The following ADGRG2 variants were observed in gnomAD, a reference collection of about 807,000 sequenced individuals.
The protein encoded by ADGRG2 is G protein-coupled receptor 64.
ADGRG2 carries 26 observed loss-of-function variants against 74.1 expected under a neutral mutation model. The ratio of observed to expected loss-of-function variants is 0.35; its 90% CI spans 0.26 to 0.49. The LOEUF (loss-of-function observed/expected upper bound fraction) is 0.49, where lower values mean the gene tolerates loss of function less well. Among genes scored for constraint, ADGRG2 ranks in the 20% least tolerant of loss-of-function variants. ADGRG2 has a pLI of 0.99. For missense variants in ADGRG2, 619 were observed against 763.1 expected (o/e 0.81, Z 2.22); for synonymous variants, 296 against 295.2 (o/e 1.00, Z -0.03).
intron 1 of ADGRG2, among the ~76,000 whole-genome samples, chrX:19,087,318 A>G (rs2061950197): frequency 8.9e-6 from 1 of 112,963 alleles, no homozygotes; most frequent in Admixed American, 9.3e-5. Flanking sequence ...ACGGTTGTGC[A>G]GGTTGTGCCC....
At chrX:19,084,629 G>A (rs758800168) in intron 1 of ADGRG2, among the ~76,000 whole-genome samples, 5 of 112,116 alleles carry the variant, frequency 4.5e-5, no homozygotes, top group Non-Finnish European at 7.5e-5. Context: ...CTTGAGTATC[G>A]AAAGAAGTTC....
chrX:19,055,888 C>G (rs2061404154), intron 3 of ADGRG2, among the ~76,000 whole-genome samples: 1 of 110,352 alleles, frequency 9.1e-6, no homozygotes, highest in Admixed American at 9.7e-5. Context: ...CTTGTACCAC[C>G]ACGCCTGGCT....
At position 18,992,635 on chromosome X, in the gene ADGRG2, C is replaced by T. The variant is rs1436139747; in HGVS notation, c.2870-1587G>A. On this transcript the variant is annotated intron_variant, in intron 28 of 28. Coordinates refer to ENST00000379869, the MANE Select transcript of ADGRG2 (RefSeq NM_001079858.3). ...TTGCCAATTCCATTCCTCATCTATC[C>T]CAGATGCTGGGGCAAGGACTGAGGA... Among the ~76,000 whole-genome samples the T allele has an allele frequency of 2.7e-5, 3 of 112,085 alleles. No homozygotes were observed. In the Admixed American group the frequency reaches 2.8e-4, roughly 11 times the overall value.
chrX:19,025,879 A>C (rs1834377713), intron 11 of ADGRG2, among the ~76,000 whole-genome samples: 1 of 109,953 alleles, frequency 9.1e-6, no homozygotes, highest in Admixed American at 9.7e-5. Flanking sequence ...CTGGGCAACA[A>C]AGTGAGACTC....
chrX:19,074,851 G>A (rs1464345761), intron 2 of ADGRG2, among the ~76,000 whole-genome samples: 4 of 110,001 alleles, frequency 3.6e-5, no homozygotes, highest in Admixed American at 9.8e-5. Flanking sequence ...GATTATAGGC[G>A]TGAGCCACCA....
rs1245760557 is a variant in ADGRG2 at position 19,010,777 on chromosome X, G to A, written c.1101C>T (p.Asp367=). 2 of 1,186,593 alleles carry A rather than the reference G, an allele frequency of 1.7e-6. No individual in the cohort carries two copies. The highest frequency in any genetic ancestry group is 2.3e-6 in the Non-Finnish European group (2 of 877,919). Reference sequence around the variant, plus strand: ...CAGAAATACTGCTGGTGTTGACGATGTCTATATCAAAGAGCCAAATCGTGT... The same window carrying A: ...CAGAAATACTGCTGGTGTTGACGATATCTATATCAAAGAGCCAAATCGTGT... ...NTTSAPPVQT[D]IVNTSSISDL... is the part of the protein sequence containing the mutation. The change falls in exon 17 of 29, where the codon GAC becomes GAT. Residue 367 remains aspartate (D), a splice_region_variant and synonymous_variant. Transcript: ENST00000379869.
chrX:19,037,555 C>A, intron 5 of ADGRG2, 34 bp downstream of exon 5: 1 of 1,153,122 alleles, frequency 8.7e-7, no homozygotes, highest in Non-Finnish European at 1.2e-6. Flanking sequence ...ACAAATTGGA[C>A]TAAATCTAGG....
intron 24 of ADGRG2, 41 bp downstream of exon 24, chrX:19,002,805 C>T: frequency 3.5e-6 from 4 of 1,155,767 alleles, no homozygotes; most frequent in Non-Finnish European, 4.7e-6. Context: ...AGAGAAAAGG[C>T]AGAGAAAGTC....
chrX:19,045,320 T>TATTATTATTATTATC (rs1333047576), intron 3 of ADGRG2, among the ~76,000 whole-genome samples: 4 of 106,590 alleles, frequency 3.8e-5, no homozygotes, highest in African/African-American at 1.4e-4. Context: ...TTATTATTAT[T>TATTATTATTATTATC]ATTTTGAGAC....
chrX:19,101,681 A>G (rs2062191099), intron 1 of ADGRG2, among the ~76,000 whole-genome samples: 1 of 109,313 alleles, frequency 9.1e-6, no homozygotes, highest in African/African-American at 3.3e-5. Context: ...AGCCTGGGCC[A>G]TAGAGTGAGA....
chrX:19,081,708 G>C (rs1030464906), intron 2 of ADGRG2, among the ~76,000 whole-genome samples: 2 of 111,818 alleles, frequency 1.8e-5, no homozygotes, highest in African/African-American at 6.5e-5. Context: ...CATTATGATA[G>C]ACATTTACAT....
At chrX:19,026,037 G>A (rs1343961223) in intron 11 of ADGRG2, among the ~76,000 whole-genome samples, 1 of 111,955 alleles carries the variant, frequency 8.9e-6, no homozygotes, top group Admixed American at 9.5e-5. Flanking sequence ...TAGGCATAAA[G>A]GACATGAATA....
intron 17 of ADGRG2, 122 bp downstream of exon 17, chrX:19,010,491 C>G: frequency 1.7e-6 from 1 of 591,796 alleles, no homozygotes; most frequent in South Asian, 3.0e-5. Context: ...GAGTAGCAAC[C>G]TGAGAAACCA....
chrX:19,109,110 A>T (rs1360408543), intron 1 of ADGRG2, among the ~76,000 whole-genome samples: 1 of 111,343 alleles, frequency 9.0e-6, no homozygotes, highest in Non-Finnish European at 1.9e-5. Flanking sequence ...ATACTACTTG[A>T]CACACTTGCC....
intron 24 of ADGRG2, among the ~76,000 whole-genome samples, chrX:19,000,484 T>C (rs2060108626): frequency 9.0e-6 from 1 of 111,725 alleles, no homozygotes; most frequent in Admixed American, 9.5e-5. Context: ...TTTGGGCCCA[T>C]GGGATACGGG....
chrX:19,029,230 C>T (rs1482800762), intron 9 of ADGRG2, among the ~76,000 whole-genome samples: 2 of 111,627 alleles, frequency 1.8e-5, no homozygotes, highest in Non-Finnish European at 3.8e-5. Flanking sequence ...TCAATTCATA[C>T]AGTATGTAAT....
intron 3 of ADGRG2, among the ~76,000 whole-genome samples, chrX:19,058,184 G>A (rs982337440): frequency 1.8e-5 from 2 of 112,009 alleles, no homozygotes; most frequent in African/African-American, 3.2e-5. Flanking sequence ...AAGGCCTACT[G>A]TGTGCCAGGC....
Position 19,010,610 on chromosome X carries a change from T to C in ADGRG2, c.1265+3A>G. Reference sequence around the variant, plus strand: ...ACCACCACTTCAGTTTGCGAAGTCGTACCTTTGAGCCAGAGGGGCCAGCAT... The same window carrying C: ...ACCACCACTTCAGTTTGCGAAGTCGCACCTTTGAGCCAGAGGGGCCAGCAT... On this transcript the variant is annotated splice_donor_region_variant and intron_variant, in intron 17 of 28. Coordinates refer to ENST00000379869, the MANE Select transcript of ADGRG2 (RefSeq NM_001079858.3). 1 of 1,202,864 alleles carries C rather than the reference T, an allele frequency of 8.3e-7. No individual in the cohort carries two copies. Among genetic ancestry groups the C allele is most frequent in the Non-Finnish European group, 1.1e-6 (1 of 890,539 alleles).
chrX:19,026,305 A>T (rs988584951), intron 11 of ADGRG2, among the ~76,000 whole-genome samples: 4 of 112,614 alleles, frequency 3.6e-5, no homozygotes, highest in Non-Finnish European at 3.7e-5. Flanking sequence ...TCAAAAGTTT[A>T]TAACAATCTC....
Sources: gnomAD v4.1 joint callset for allele counts (sites outside exome capture counted in the v4.1 genomes callset) on GRCh38, gnomAD v4.1.1 for gene constraint, MANE v1.5 for transcripts, NCBI Gene and HGNC (gene_info 2026-07-23, HGNC 2026-07-21) for gene names.